The following MACF1 variants were observed in gnomAD, a reference collection of about 807,000 sequenced individuals.
MACF1 encodes the protein microtubule-actin cross-linking factor 1.
In MACF1, 193 loss-of-function variants were observed where a neutral mutation model predicts 854.8. The ratio of observed to expected loss-of-function variants is 0.23; its 90% CI spans 0.20 to 0.25. The LOEUF (loss-of-function observed/expected upper bound fraction) is 0.25, where lower values mean the gene tolerates loss of function less well. MACF1 is among the 10% of genes least tolerant of loss of function. MACF1 has a pLI of 1.00. For missense variants in MACF1, 7,722 were observed against 8,929.1 expected, an observed-to-expected ratio of 0.86 and a Z score of 5.45; for synonymous variants, 3,185 against 3,226.7, an observed-to-expected ratio of 0.99 and a Z score of 0.44.
In MACF1 at chr1:39,331,429, A is replaced by G. The variant is rs748160722; in HGVS notation, c.4841A>G (p.Glu1614Gly). The G allele has an allele frequency of 6.6e-5, 107 of 1,613,930 alleles. No homozygotes were observed. The highest frequency in any genetic ancestry group is 2.0e-4 in the Admixed American group (12 of 59,994). Residue 1614 changes from glutamate (E) to glycine (G), a missense_variant, in exon 37 of 101, where the codon GAG becomes GGG. By Grantham distance (98) the Glu-to-Gly change is moderately conservative. Transcript: ENST00000564288. ...INPQMYQQLR[E>G]LQDALALISR... ...CCCCAGATGTACCAGCAGCTCCGGG[A>G]GCTACAGGATGCCCTGGCCTTAATA... is the stretch of plus-strand genomic sequence containing the variant.
At chr1:39,300,698 A>G (rs962624082) in intron 22 of MACF1, among the ~76,000 whole-genome samples, 5 of 151,990 alleles carry the variant, frequency 3.3e-5, no homozygotes, top group African/African-American at 7.3e-5. Context: ...AGTTTGTACT[A>G]ATTTGTAAAT....
rs767551180 is a variant in MACF1, at chr1:39,452,810, A to G, written c.20740A>G (p.Lys6914Glu). ...EALQSLIDTH[K>E]EFMKKVEEKR... ...CCTGCAGTCTCTCATTGACACCCAT[A>G]AGGTAATCCAGCCTTGGGGTTTGGT... is the stretch of plus-strand genomic sequence containing the variant. The change falls in exon 87 of 101, where the codon AAG becomes GAG. Residue 6914 changes from lysine to glutamate, a missense_variant and splice_region_variant. By Grantham distance (56) the Lys-to-Glu change is moderately conservative. Transcript: ENST00000564288. 6 of 1,613,858 alleles carry G rather than the reference A, an allele frequency of 3.7e-6. No homozygotes were observed. The highest frequency in any genetic ancestry group is 5.1e-6 in the Non-Finnish European group (6 of 1,179,840).
At chr1:39,110,891 G>A (rs1642385879) in intron 2 of MACF1, among the ~76,000 whole-genome samples, 1 of 152,178 alleles carries the variant, frequency 6.6e-6, no homozygotes, top group Non-Finnish European at 1.5e-5. Flanking sequence ...ACTTCAGAGT[G>A]CATATCTGAG....
intron 2 of MACF1, among the ~76,000 whole-genome samples, chr1:39,199,215 G>A (rs1280065361): frequency 6.6e-6 from 1 of 151,898 alleles, no homozygotes; most frequent in Non-Finnish European, 1.5e-5. Flanking sequence ...TCGATCTCCT[G>A]ACCTCATGAT....
intron 97 of MACF1, among the ~76,000 whole-genome samples, chr1:39,475,608 A>G (rs901713409): frequency 6.6e-6 from 1 of 152,098 alleles, no homozygotes; most frequent in Non-Finnish European, 1.5e-5. Context: ...GAAACACCTG[A>G]GTACAAGGGG....
rs1645044533 is a variant in MACF1 at position 39,251,957 on chromosome 1, G to A, written c.357+16G>A. Reference sequence around the variant, plus strand: ...TGATGATGTAGTAGGTCCTCCTGGGGATGCCAGCATCCCAGCTGGCACTGC... The same window carrying A: ...TGATGATGTAGTAGGTCCTCCTGGGAATGCCAGCATCCCAGCTGGCACTGC... On this transcript the variant is annotated intron_variant, in intron 4 of 100. Transcript: ENST00000564288. 2 of 1,477,536 alleles carry A rather than the reference G, an allele frequency of 1.4e-6. No homozygotes were observed. The highest frequency in any genetic ancestry group is 1.8e-6 in the Non-Finnish European group (2 of 1,116,468). 91.5% of individuals were successfully genotyped at this position (1,477,536 alleles called of 1,614,324 possible).
Position 39,328,443 on chromosome 1 carries a change from A to G in MACF1, c.4614+1090A>G, listed in dbSNP as rs148256357. On this transcript the variant is annotated intron_variant, in intron 36 of 100. Coordinates refer to ENST00000564288, the MANE Select transcript of MACF1 (RefSeq NM_001394062.1). ...GCTGCTGAGCACCACTACATTGAGC[A>G]TGATGTGTCTCCTGTATGTGTGTTT... 3.3e-5 allele frequency: 5 copies of G among 152,344 alleles called. No homozygotes were observed. In the East Asian group the frequency reaches 9.6e-4, roughly 29 times the overall value. 9.4% of individuals were successfully genotyped at this position (152,344 alleles called of 1,614,324 possible).
chr1:39,222,237 A>G (rs1490361968), intron 1 of MACF1, among the ~76,000 whole-genome samples: 1 of 152,002 alleles, frequency 6.6e-6, no homozygotes, highest in Non-Finnish European at 1.5e-5. Flanking sequence ...TGACCCTCCC[A>G]CCTCAGCCAC....
chr1:39,085,344 T>C (rs942378655), intron 2 of MACF1, among the ~76,000 whole-genome samples: 6 of 152,238 alleles, frequency 3.9e-5, no homozygotes, highest in African/African-American at 1.4e-4. Context: ...GTGCTCAGCA[T>C]CTCAGCAGGG....
intron 47 of MACF1, among the ~76,000 whole-genome samples, chr1:39,359,590 T>C (rs997625932): frequency 6.6e-6 from 1 of 152,118 alleles, no homozygotes; most frequent in Admixed American, 6.5e-5. Flanking sequence ...ATAACATTTA[T>C]TGAATGCTTA....
intron 6 of MACF1, among the ~76,000 whole-genome samples, chr1:39,261,169 A>G (rs1339181494): frequency 6.6e-6 from 1 of 152,220 alleles, no homozygotes; most frequent in African/African-American, 2.4e-5. Flanking sequence ...AAAAAGTTAA[A>G]TACAAATTGT....
intron 2 of MACF1, among the ~76,000 whole-genome samples, chr1:39,118,956 T>C (rs1642615456): frequency 6.6e-6 from 1 of 152,114 alleles, no homozygotes; most frequent in Non-Finnish European, 1.5e-5. Flanking sequence ...TGTGATGATA[T>C]GGAAAGTTAA....
At chr1:39,475,190 C>T (rs1644855356) in intron 97 of MACF1, among the ~76,000 whole-genome samples, 1 of 152,128 alleles carries the variant, frequency 6.6e-6, no homozygotes, top group Non-Finnish European at 1.5e-5. Flanking sequence ...AGGACCAAAC[C>T]CCTTTTGTAG....
intron 1 of MACF1, among the ~76,000 whole-genome samples, chr1:39,218,820 G>A (rs1196853949): frequency 2.0e-5 from 3 of 152,158 alleles, no homozygotes; most frequent in Non-Finnish European, 4.4e-5. Flanking sequence ...TTGCTCTGTT[G>A]TCCAGGCTGG....
chr1:39,247,747 T>C (rs954555883), intron 2 of MACF1, among the ~76,000 whole-genome samples: 1 of 152,208 alleles, frequency 6.6e-6, no homozygotes, highest in African/African-American at 2.4e-5. Flanking sequence ...AATTTAAAAG[T>C]GTGGGCCGGG....
chr1:39,429,331 T>G lies in MACF1; in HGVS notation c.16888+5T>G. 6.5e-7 allele frequency: 1 copy of G among 1,535,656 alleles called. No homozygotes were observed. The highest frequency in any genetic ancestry group is 9.0e-7 in the Non-Finnish European group (1 of 1,110,192). ...CTCTTCTAAAACAAACCACAGGTAC[T>G]TTGAAAAGTGTGTCTCTTAGCACCC... On this transcript the variant is annotated splice_donor_5th_base_variant and intron_variant, in intron 64 of 100. Coordinates refer to ENST00000564288, the MANE Select transcript of MACF1 (RefSeq NM_001394062.1).
rs767347234 is a variant in MACF1, at chr1:39,284,398, A to G, written c.1101A>G (p.Gly367=). The G allele has an allele frequency of 5.6e-5, 90 of 1,602,332 alleles. No individual in the cohort carries two copies. The South Asian group carries it at 9.1e-4, about 16-fold the overall frequency. Residue 367 remains glycine (G), a synonymous_variant, in exon 11 of 101, where the codon GGA becomes GGG. Transcript: ENST00000564288. The part of the protein sequence containing the change: ...TEILAKEREK[G]RIEELYKLLE... ...TTCTGGCCAAGGAGAGAGAAAAAGG[A>G]AGAATTGAGGAATTATATAAATTAC... is the stretch of plus-strand genomic sequence containing the variant.
At position 39,283,129 on chromosome 1, in the gene MACF1, G is replaced by A; in HGVS notation, c.696-60G>A. ...GGAACTTTCAGGAGGTTTTCTTTGT[G>A]TAAACTCATGTGTGATGTGTAGATG... is the stretch of plus-strand genomic sequence containing the variant. On this transcript the variant is annotated intron_variant, in intron 7 of 100. Coordinates refer to ENST00000564288, the MANE Select transcript of MACF1 (RefSeq NM_001394062.1). This position sits in a 1 kb window ranked among gnomAD's most constrained non-coding sequence, Gnocchi z 4.5. 2 of 1,066,940 alleles carry A rather than the reference G, an allele frequency of 1.9e-6. No individual in the cohort carries two copies. The highest frequency in any genetic ancestry group is 1.5e-5 in the African/African-American group (1 of 64,588). The allele number at this position is 1,066,940 out of a possible 1,614,324, so 66.1% of individuals were successfully genotyped here. A position where few individuals can be genotyped will look rare whatever the true frequency, so the allele number is the denominator to read the frequency against.
At position 39,451,062 on chromosome 1, in the gene MACF1, T is replaced by C. The variant is rs1221233028; in HGVS notation, c.20269T>C (p.Leu6757=). ...GTGTGCATTTCTCAGGCAGCACAAG[T>C]TGGAGGAAGCCCTGCTCTTTTCGGG... The part of the protein sequence containing the change: ...CGKSVERQHK[L]EEALLFSGQF... The change falls in exon 85 of 101, where the codon TTG becomes CTG. Residue 6757 remains leucine (L), a synonymous_variant. Coordinates refer to ENST00000564288, the MANE Select transcript of MACF1 (RefSeq NM_001394062.1). 1 of 1,613,014 alleles carries C rather than the reference T, an allele frequency of 6.2e-7. No homozygotes were observed. Among genetic ancestry groups the C allele is most frequent in the Non-Finnish European group, 8.5e-7 (1 of 1,179,676 alleles).
Sources: allele counts gnomAD v4.1 joint callset (sites outside exome capture counted in the v4.1 genomes callset), GRCh38; gene constraint gnomAD v4.1.1; non-coding constraint Gnocchi (gnomAD v3.1); transcripts MANE v1.5; gene names NCBI Gene and HGNC (gene_info 2026-07-23, HGNC 2026-07-21).